Variants in HDAC9 observed in about 807,000 individuals in gnomAD.
HDAC9 encodes histone deacetylase 9, also known as MEF-2 interacting transcription repressor (MITR) protein.
A neutral mutation model predicts 139.4 loss-of-function variants in HDAC9; 41 were observed. That is an observed-to-expected ratio of 0.29 (90% CI 0.23 to 0.38). The LOEUF (loss-of-function observed/expected upper bound fraction) is 0.38. HDAC9 is among the 10% of genes least tolerant of loss of function. The probability of loss-of-function intolerance (pLI) is 1.00; values close to 1 mark genes in which losing one functional copy is unlikely to be tolerated. For synonymous variants in HDAC9, 517 were observed against 476.2 expected (o/e 1.09, Z -1.12); for missense variants, 1,147 against 1,297.0 (o/e 0.88, Z 1.78).
intron 22 of HDAC9, among the ~76,000 whole-genome samples, chr7:18,914,615 A>G (rs1481192974): frequency 6.6e-6 from 1 of 152,062 alleles, no homozygotes; most frequent in Non-Finnish European, 1.5e-5. Flanking sequence ...AAATTTCTGA[A>G]GATTTAGCTG....
chr7:18,855,750 G>A (rs1340435069), intron 21 of HDAC9, among the ~76,000 whole-genome samples: 9 of 151,986 alleles, frequency 5.9e-5, no homozygotes, highest in Non-Finnish European at 8.8e-5. Flanking sequence ...GGGATTCTTA[G>A]CCAAATCCAG....
chr7:18,248,726 G>A (rs1298699763), intron 2 of HDAC9, among the ~76,000 whole-genome samples: 1 of 152,162 alleles, frequency 6.6e-6, no homozygotes, highest in Non-Finnish European at 1.5e-5. Context: ...CCAAGGCTGT[G>A]GGAAGGAACG....
At chr7:18,557,921 T>TA (rs1563270969) in intron 2 of HDAC9, among the ~76,000 whole-genome samples, 4 of 151,982 alleles carry the variant, frequency 2.6e-5, no homozygotes, top group Non-Finnish European at 5.9e-5. Flanking sequence ...TGAAAGAATC[T>TA]AGCATTTAAA....
chr7:18,386,576 C>T (rs1785949786), intron 1 of HDAC9, among the ~76,000 whole-genome samples: 2 of 152,162 alleles, frequency 1.3e-5, no homozygotes, highest in African/African-American at 2.4e-5. Context: ...TTCCCACTTA[C>T]CAGTGGAGGG....
intron 17 of HDAC9, among the ~76,000 whole-genome samples, chr7:18,812,936 T>C (rs1165125052): frequency 2.0e-5 from 3 of 151,996 alleles, no homozygotes; most frequent in Non-Finnish European, 4.4e-5. Flanking sequence ...GCTAATATCA[T>C]CCAAAAAACT....
chr7:18,367,032 C>A (rs951177752), intron 1 of HDAC9, among the ~76,000 whole-genome samples: 3 of 152,030 alleles, frequency 2.0e-5, no homozygotes, highest in African/African-American at 4.8e-5. Context: ...CATTCTCTTC[C>A]CATCTGTATG....
At chr7:18,574,849 G>T (rs1252226381) in intron 2 of HDAC9, among the ~76,000 whole-genome samples, 2 of 152,246 alleles carry the variant, frequency 1.3e-5, no homozygotes, top group Non-Finnish European at 2.9e-5. Context: ...GCGACAGCAG[G>T]CACTTCCAAG....
chr7:18,444,340 T>TG (rs1247333793), intron 1 of HDAC9, among the ~76,000 whole-genome samples: 3 of 84,916 alleles, frequency 3.5e-5, no homozygotes, highest in Middle Eastern at 0.011. Flanking sequence ...AGACCCTGTC[T>TG]GAAAAAAAAA....
intron 1 of HDAC9, among the ~76,000 whole-genome samples, chr7:18,453,381 G>C (rs867383209): frequency 1.3e-5 from 2 of 152,098 alleles, no homozygotes; most frequent in African/African-American, 4.8e-5. Context: ...ACAGATCAAG[G>C]ACATACATTA....
chr7:18,317,189 T>G (rs1374321717), intron 1 of HDAC9, among the ~76,000 whole-genome samples: 2 of 150,982 alleles, frequency 1.3e-5, no homozygotes, highest in Non-Finnish European at 3.0e-5. Flanking sequence ...AGAGTGAGAC[T>G]CTGTCTCAAA....
intron 12 of HDAC9, among the ~76,000 whole-genome samples, chr7:18,677,147 C>G (rs1781570134): frequency 6.6e-6 from 1 of 151,916 alleles, no homozygotes; most frequent in Admixed American, 6.6e-5. Context: ...TCACTCTCCT[C>G]CCAGCCCCAG....
chr7:18,090,930 G>T (rs985437920), intron 1 of HDAC9, among the ~76,000 whole-genome samples: 2 of 151,984 alleles, frequency 1.3e-5, no homozygotes, highest in African/African-American at 4.8e-5. Flanking sequence ...AATCCCACTA[G>T]AATTTTTTTA....
intron 12 of HDAC9, among the ~76,000 whole-genome samples, chr7:18,687,676 G>C (rs918604252): frequency 1.3e-5 from 2 of 151,848 alleles, no homozygotes; most frequent in African/African-American, 4.8e-5. Context: ...TGACCTCAAA[G>C]ACCTGAAGGT....
intron 2 of HDAC9, among the ~76,000 whole-genome samples, chr7:18,554,689 C>T (rs1158927967): frequency 1.3e-5 from 2 of 152,072 alleles, no homozygotes; most frequent in African/African-American, 2.4e-5. Context: ...CCTCTTCTGT[C>T]TCCCTCCTTC....
intron 1 of HDAC9, chr7:18,087,956 G>A (rs1283652564): frequency 1.3e-5 from 2 of 152,396 alleles, no homozygotes; most frequent in East Asian, 1.9e-4. Flanking sequence ...CCAGATCCGA[G>A]GCGCGGTTGT....
At chr7:18,431,451 G>A (rs765698379) in intron 1 of HDAC9, among the ~76,000 whole-genome samples, 28 of 151,990 alleles carry the variant, frequency 1.8e-4, no homozygotes, top group African/African-American at 6.5e-4. Context: ...TTTTTTCTTC[G>A]TCCGTGACAT....
intron 2 of HDAC9, among the ~76,000 whole-genome samples, chr7:18,259,620 C>T (rs1315410010): frequency 6.6e-6 from 1 of 152,178 alleles, no homozygotes; most frequent in African/African-American, 2.4e-5. Context: ...CTACCTCAGC[C>T]TCCCAAAGTA....
At chr7:18,304,983 G>T (rs533909359) in intron 1 of HDAC9, among the ~76,000 whole-genome samples, 1 of 151,348 alleles carries the variant, frequency 6.6e-6, no homozygotes, top group South Asian at 2.1e-4. Context: ...ATTGGAATAG[G>T]GTAAAAAGTT....
intron 1 of HDAC9, among the ~76,000 whole-genome samples, chr7:18,439,557 T>C (rs1032797699): frequency 6.6e-6 from 1 of 152,128 alleles, no homozygotes; most frequent in South Asian, 2.1e-4. Flanking sequence ...GATTCATTAC[T>C]CGAAGGAACC....
Sources: gnomAD v4.1 joint callset for allele counts (sites outside exome capture counted in the v4.1 genomes callset) on GRCh38, gnomAD v4.1.1 for gene constraint, MANE v1.5 for transcripts, NCBI Gene and HGNC (gene_info 2026-07-23, HGNC 2026-07-21) for gene names.